Variants in SLC9A2 observed in about 807,000 individuals in gnomAD.
SLC9A2 encodes the protein sodium/hydrogen exchanger 2.
In SLC9A2, 42 loss-of-function variants were observed where a neutral mutation model predicts 71.7. The observed-to-expected ratio is 0.59, with a 90% CI of 0.46 to 0.76. SLC9A2 has a LOEUF of 0.76. Ranked by LOEUF, SLC9A2 falls within the 30% of genes least tolerant of loss-of-function variation. The pLI is 0.00. For missense variants in SLC9A2, 829 were observed against 1,017.4 expected (o/e 0.81, Z 2.52); for synonymous variants, 396 against 392.5 (o/e 1.01, Z -0.10).
intron 3 of SLC9A2, among the ~76,000 whole-genome samples, chr2:102,678,775 A>G (rs1466069823): frequency 3.3e-5 from 5 of 152,168 alleles, no homozygotes; most frequent in Admixed American, 2.0e-4. Flanking sequence ...CTTTTAGAGA[A>G]ATGGAGACTC....
At chr2:102,652,339 A>G (rs1422152498) in intron 1 of SLC9A2, among the ~76,000 whole-genome samples, 1 of 152,176 alleles carries the variant, frequency 6.6e-6, no homozygotes, top group Non-Finnish European at 1.5e-5. Context: ...CTTCAGAGAT[A>G]CAGCTTCTTC....
At chr2:102,704,011 T>C (rs943664934) in intron 9 of SLC9A2, among the ~76,000 whole-genome samples, 2 of 152,202 alleles carry the variant, frequency 1.3e-5, no homozygotes, top group African/African-American at 2.4e-5. Context: ...GACTGTAGGA[T>C]GGTGGCTTGT....
intron 10 of SLC9A2, 135 bp from the exon 11 acceptor site, chr2:102,705,711 C>T: frequency 1.9e-6 from 1 of 531,328 alleles, no homozygotes; most frequent in East Asian, 3.2e-5. Flanking sequence ...GTTATAGCCC[C>T]TCACAAAGTA....
intron 3 of SLC9A2, among the ~76,000 whole-genome samples, chr2:102,666,511 A>T (rs1433268938): frequency 6.6e-6 from 1 of 152,130 alleles, no homozygotes; most frequent in Non-Finnish European, 1.5e-5. Context: ...TAGCTTTTTA[A>T]ACAAAGATGC....
In SLC9A2 at chr2:102,657,706, C is replaced by A. The variant is rs755063942; in HGVS notation, c.432C>A (p.Tyr144Ter). The A allele has an allele frequency of 1.2e-6, 2 of 1,614,156 alleles. No individual in the cohort carries two copies. Among genetic ancestry groups the A allele is most frequent in the Admixed American group, 3.3e-5 (2 of 60,012 alleles). Residue 144 changes from tyrosine to a stop codon, truncating the protein, a stop_gained, in exon 2 of 12, where the codon TAC (tyrosine) becomes TAA (stop). Transcript: ENST00000233969. LOFTEE classifies it high-confidence loss of function. ...PAMKTDVFFL[Y>*]LLPPIVLDAG... Reference sequence around the variant, plus strand: ...TGAAGACTGATGTATTTTTCTTGTACCTCCTCCCACCCATCGTGCTGGATG... The same window carrying A: ...TGAAGACTGATGTATTTTTCTTGTAACTCCTCCCACCCATCGTGCTGGATG...
At chr2:102,664,834 A>G (rs1414982760) in intron 2 of SLC9A2, among the ~76,000 whole-genome samples, 1 of 152,222 alleles carries the variant, frequency 6.6e-6, no homozygotes, top group Admixed American at 6.5e-5. Flanking sequence ...TTTTGGAATA[A>G]GTTATGCAAT....
At chr2:102,653,705 T>C (rs913108588) in intron 1 of SLC9A2, among the ~76,000 whole-genome samples, 1 of 152,224 alleles carries the variant, frequency 6.6e-6, no homozygotes, top group Non-Finnish European at 1.5e-5. Context: ...AGCATGGGTC[T>C]CTGAGGCTGC....
chr2:102,669,092 G>C (rs947297811), intron 3 of SLC9A2, among the ~76,000 whole-genome samples: 8 of 152,140 alleles, frequency 5.3e-5, no homozygotes, highest in Non-Finnish European at 1.0e-4. Context: ...GTGCACCTCG[G>C]GTGTTCATAA....
chr2:102,674,132 GA>G (rs1295421075), intron 3 of SLC9A2, among the ~76,000 whole-genome samples: 1 of 152,088 alleles, frequency 6.6e-6, no homozygotes, highest in Non-Finnish European at 1.5e-5. Flanking sequence ...AAACTGAAAT[GA>G]AATGTACACT....
Position 102,701,936 on chromosome 2 carries a change from T to C in SLC9A2, c.1749-470T>C, listed in dbSNP as rs1174022636. On this transcript the variant is annotated intron_variant, in intron 8 of 11. Transcript: ENST00000233969. ...AATCAATATTAGCAAGTAGGTGAGG[T>C]GAGTTCATGATTATGGAACCCACAA... Among the ~76,000 whole-genome samples the C allele has an allele frequency of 7.9e-5, 12 of 152,026 alleles. No individual in the cohort carries two copies. The East Asian group carries it at 2.3e-3, about 29-fold the overall frequency.
chr2:102,705,805 C>T (rs1258913645), intron 10 of SLC9A2, 41 bp from the exon 11 acceptor site: 3 of 1,180,764 alleles, frequency 2.5e-6, no homozygotes, highest in South Asian at 1.4e-5. Flanking sequence ...CAATAAGTGC[C>T]ATTTGTATAG....
intron 1 of SLC9A2, among the ~76,000 whole-genome samples, chr2:102,643,272 C>T (rs1013631414): frequency 1.8e-4 from 27 of 152,140 alleles, no homozygotes; most frequent in Non-Finnish European, 3.8e-4. Flanking sequence ...CTGCCCTTTT[C>T]CTTCTCTGAC....
chr2:102,675,820 ACT>A (rs1677336971), intron 3 of SLC9A2, among the ~76,000 whole-genome samples: 1 of 152,156 alleles, frequency 6.6e-6, no homozygotes. Flanking sequence ...AAATAAAATG[ACT>A]CAAATTTCAG....
intron 1 of SLC9A2, among the ~76,000 whole-genome samples, chr2:102,641,986 A>G (rs1676590870): frequency 6.6e-6 from 1 of 151,918 alleles, no homozygotes; most frequent in Non-Finnish European, 1.5e-5. Flanking sequence ...AACATGGCAC[A>G]TGTATAGCTA....
At chr2:102,623,167 A>C (rs895824787) in intron 1 of SLC9A2, among the ~76,000 whole-genome samples, 1 of 151,854 alleles carries the variant, frequency 6.6e-6, no homozygotes, top group Non-Finnish European at 1.5e-5. Context: ...CACATATTGC[A>C]CCTCCTGTCC....
At chr2:102,633,248 C>T (rs1676408675) in intron 1 of SLC9A2, among the ~76,000 whole-genome samples, 1 of 152,092 alleles carries the variant, frequency 6.6e-6, no homozygotes, top group Non-Finnish European at 1.5e-5. Flanking sequence ...GTTTAGGGAG[C>T]TTAGGTAACT....
chr2:102,619,796 TG>T lies in SLC9A2; in HGVS notation c.-52del. ...GCTGAGCAGCCCGGGCGCGATGCGT[TG>T]AGCGCTCGGAGGGCCAACCGCCGGT... On this transcript the variant is annotated 5_prime_UTR_variant, in exon 1 of 12. The change abolishes the stop of an existing upstream ORF in the 5' untranslated region. Transcript: ENST00000233969. The surrounding 1 kb of genome is among the most constrained non-coding windows in gnomAD (Gnocchi z 4.3). 7.0e-7 allele frequency: 1 copy of T among 1,435,524 alleles called. No homozygotes were observed. Among genetic ancestry groups the T allele is most frequent in the Non-Finnish European group, 9.1e-7 (1 of 1,094,392 alleles). The allele number at this position is 1,435,524 out of a possible 1,614,324, so 88.9% of individuals were successfully genotyped here.
intron 5 of SLC9A2, among the ~76,000 whole-genome samples, chr2:102,689,114 T>C (rs1488138969): frequency 9.9e-5 from 15 of 152,210 alleles, no homozygotes; most frequent in African/African-American, 3.4e-4. Flanking sequence ...AGGACTTTAT[T>C]GTCCATGACA....
At chr2:102,699,504 G>A (rs766983218) in intron 7 of SLC9A2, among the ~76,000 whole-genome samples, 14 of 152,202 alleles carry the variant, frequency 9.2e-5, no homozygotes, top group Non-Finnish European at 1.8e-4. Context: ...GGTGGAAGCA[G>A]GAATGCCAAT....
Sources: gnomAD v4.1 joint callset for allele counts (sites outside exome capture counted in the v4.1 genomes callset) on GRCh38, gnomAD v4.1.1 for gene constraint, Gnocchi (gnomAD v3.1) non-coding constraint, MANE v1.5 for transcripts, NCBI Gene and HGNC (gene_info 2026-07-23, HGNC 2026-07-21) for gene names.